The following TNR variants were observed in gnomAD, a reference collection of about 807,000 sequenced individuals.
TNR encodes the protein tenascin-R.
TNR carries 45 observed loss-of-function variants against 150.4 expected under a neutral mutation model. That is an observed-to-expected ratio of 0.30 (90% CI 0.24 to 0.38). TNR has a LOEUF of 0.38. Ranked by LOEUF, TNR falls within the 10% of genes least tolerant of loss-of-function variation. The probability of loss-of-function intolerance (pLI) is 1.00; values close to 1 mark genes in which losing one functional copy is unlikely to be tolerated. For missense variants in TNR, 1,544 were observed against 1,759.1 expected (o/e 0.88, Z 2.19); for synonymous variants, 687 against 678.4 (o/e 1.01, Z -0.20).
chr1:175,702,793 G>A (rs1666734102), intron 1 of TNR, among the ~76,000 whole-genome samples: 1 of 152,248 alleles, frequency 6.6e-6, no homozygotes, highest in African/African-American at 2.4e-5. Flanking sequence ...TTTGGGGAAT[G>A]TTCTGGATCA....
At chr1:175,331,124 T>TTCTTTCTTTCTCTCTC (rs1571300283) in intron 20 of TNR, among the ~76,000 whole-genome samples, 4 of 140,468 alleles carry the variant, frequency 2.8e-5, no homozygotes, top group East Asian at 2.0e-4. Context: ...TTTTCTTTCT[T>TTCTTTCTTTCTCTCTC]TCTTTCTTTT....
intron 1 of TNR, among the ~76,000 whole-genome samples, chr1:175,604,127 C>G (rs1232792223): frequency 6.6e-6 from 1 of 152,138 alleles, no homozygotes; most frequent in South Asian, 2.1e-4. Flanking sequence ...TTTTCCCCTT[C>G]CCCGCTCCCC....
At chr1:175,716,203 T>C (rs1667151658) in intron 1 of TNR, among the ~76,000 whole-genome samples, 1 of 152,218 alleles carries the variant, frequency 6.6e-6, no homozygotes, top group Non-Finnish European at 1.5e-5. Context: ...ATGCACTGCC[T>C]CAGCCTCAAC....
At position 175,367,187 on chromosome 1, in the gene TNR, C is replaced by T. The variant is rs78369705; in HGVS notation, c.2053+21G>A. The T allele has an allele frequency of 1.2e-3, 1,978 of 1,612,558 alleles. 17 individuals carry two copies. The African/African-American group carries it at 0.016, about 13-fold the overall frequency. On this transcript the variant is annotated intron_variant, in intron 10 of 22. Transcript: ENST00000367674. ...CTTATAGGCTAACCTGGTCTTCTTC[C>T]TCAGCAGTCCTCCTACTCACCAGTC...
intron 2 of TNR, among the ~76,000 whole-genome samples, chr1:175,451,963 C>T (rs1392776585): frequency 6.6e-6 from 1 of 152,176 alleles, no homozygotes; most frequent in East Asian, 1.9e-4. Flanking sequence ...TGAGAGTGGA[C>T]ATGTGCTTTG....
At chr1:175,448,082 T>C (rs941266176) in intron 2 of TNR, among the ~76,000 whole-genome samples, 1 of 152,190 alleles carries the variant, frequency 6.6e-6, no homozygotes. Flanking sequence ...TTGGAAGCCA[T>C]GGCAGCACCC....
chr1:175,416,065 T>C (rs1167758727), intron 2 of TNR, among the ~76,000 whole-genome samples: 1 of 152,194 alleles, frequency 6.6e-6, no homozygotes, highest in Non-Finnish European at 1.5e-5. Context: ...AGAATTTATT[T>C]GATTTTTATA....
Position 175,653,137 on chromosome 1 carries a change from T to C in TNR, c.-165+90089A>G, listed in dbSNP as rs58662496. Among the ~76,000 whole-genome samples the C allele has an allele frequency of 3.3e-3, 499 of 152,324 alleles. 6 individuals are homozygous for C. Among genetic ancestry groups the C allele is most frequent in the African/African-American group, 0.011 (471 of 41,572 alleles). On this transcript the variant is annotated intron_variant, in intron 1 of 22. Transcript: ENST00000367674. The stretch of plus-strand genomic sequence containing the variant: ...TGAAATGATGTACATGAAGTTTTCT[T>C]ATAACCACTGGGCCCATTCCTGGAG...
chr1:175,715,435 C>T (rs1473803881), intron 1 of TNR, among the ~76,000 whole-genome samples: 1 of 152,156 alleles, frequency 6.6e-6, no homozygotes, highest in African/African-American at 2.4e-5. Flanking sequence ...TGATTGTCCA[C>T]ACTAGATTCT....
In TNR at chr1:175,317,017, G is replaced by C. The variant is rs1006286633; in HGVS notation, c.*6340C>G. On this transcript the variant is annotated 3_prime_UTR_variant, in exon 23 of 23. Coordinates refer to ENST00000367674, the MANE Select transcript of TNR (RefSeq NM_003285.3). Reference sequence around the variant, plus strand: ...ATCAAGGGCTTCAAAATTAGACAAAGGTTCAGATTATGGCTCTATTTAGTA... The same window carrying C: ...ATCAAGGGCTTCAAAATTAGACAAACGTTCAGATTATGGCTCTATTTAGTA... 5.3e-5 allele frequency: 8 copies of C among 152,266 alleles called. No homozygotes were observed. Among genetic ancestry groups the C allele is most frequent in the African/African-American group, 1.9e-4 (8 of 41,570 alleles). 9.4% of individuals were successfully genotyped at this position (152,266 alleles called of 1,614,324 possible).
At chr1:175,684,619 C>A (rs1267048452) in intron 1 of TNR, among the ~76,000 whole-genome samples, 1 of 152,070 alleles carries the variant, frequency 6.6e-6, no homozygotes, top group Non-Finnish European at 1.5e-5. Flanking sequence ...GCCACACCAC[C>A]CTGCCACAAT....
At chr1:175,346,220 G>A (rs764869809) in intron 18 of TNR, among the ~76,000 whole-genome samples, 1 of 152,176 alleles carries the variant, frequency 6.6e-6, no homozygotes, top group African/African-American at 2.4e-5. Context: ...TGAAAAGTAA[G>A]AATGATTAAC....
intron 1 of TNR, among the ~76,000 whole-genome samples, chr1:175,641,218 A>G (rs1464821535): frequency 6.6e-6 from 1 of 152,068 alleles, no homozygotes; most frequent in African/African-American, 2.4e-5. Flanking sequence ...CTGGGGTCAT[A>G]CATACTAGCA....
At chr1:175,479,772 T>G (rs1183067789) in intron 2 of TNR, among the ~76,000 whole-genome samples, 1 of 152,094 alleles carries the variant, frequency 6.6e-6, no homozygotes, top group Admixed American at 6.5e-5. Flanking sequence ...TCTGATATGC[T>G]TTGTGGCTAG....
chr1:175,493,945 C>G (rs577290659), intron 2 of TNR, among the ~76,000 whole-genome samples: 2 of 152,326 alleles, frequency 1.3e-5, no homozygotes, highest in Admixed American at 1.3e-4. Flanking sequence ...CCACTCTCAG[C>G]TGAGGGGTCC....
chr1:175,464,243 T>A (rs1257874953), intron 2 of TNR, among the ~76,000 whole-genome samples: 2 of 152,214 alleles, frequency 1.3e-5, no homozygotes, highest in Non-Finnish European at 2.9e-5. Context: ...GAGGGGCAAA[T>A]CCATTTTCCC....
Position 175,391,310 on chromosome 1 carries a change from A to G in TNR, c.1485T>C (p.Pro495=), listed in dbSNP as rs1302105488. The change falls in exon 7 of 23, where the codon CCT becomes CCC. Residue 495 remains proline, a synonymous_variant. Coordinates refer to ENST00000367674, the MANE Select transcript of TNR (RefSeq NM_003285.3). The part of the protein sequence containing the change: ...VALKEQARSP[P]TSASVSTVID... The stretch of plus-strand genomic sequence containing the variant: ...CACCTGTGGAGACGCTGGCCGAGGT[A>G]GGGGGGCTGCGGGCCTGTTCTTTCA... 1.2e-6 allele frequency: 2 copies of G among 1,613,972 alleles called. No homozygotes were observed. Among genetic ancestry groups the G allele is most frequent in the Non-Finnish European group, 1.7e-6 (2 of 1,179,988 alleles).
chr1:175,657,853 G>GTATGTATA (rs1665231476), intron 1 of TNR, among the ~76,000 whole-genome samples: 5 of 70,458 alleles, frequency 7.1e-5, no homozygotes, highest in Admixed American at 1.5e-4. Flanking sequence ...CATGGAACAT[G>GTATGTATA]TATATATATA....
chr1:175,704,338 C>T lies in TNR; in HGVS notation c.-165+38888G>A, dbSNP rs149458312. On this transcript the variant is annotated intron_variant, in intron 1 of 22. Transcript: ENST00000367674. ...CTGTGCCACAGAGTACAAAACTTGA[C>T]GAGATTTAAGTTGAGTCTTTAAAGA... is the stretch of plus-strand genomic sequence containing the variant. 9.2e-3 allele frequency among the ~76,000 whole-genome samples: 1,407 copies of T among 152,180 alleles called. 24 individuals are homozygous for T. Among genetic ancestry groups the T allele is most frequent in the African/African-American group, 0.029 (1,220 of 41,526 alleles).
Sources: allele counts gnomAD v4.1 joint callset (sites outside exome capture counted in the v4.1 genomes callset), GRCh38; gene constraint gnomAD v4.1.1; transcripts MANE v1.5; gene names NCBI Gene and HGNC (gene_info 2026-07-23, HGNC 2026-07-21).